Variants in ZNF573 observed in about 807,000 individuals in gnomAD.
The protein encoded by ZNF573 is zinc finger protein 573.
In ZNF573, 41 loss-of-function variants were observed where a neutral mutation model predicts 57.4. The ratio of observed to expected loss-of-function variants is 0.71; its 90% CI spans 0.56 to 0.93. The LOEUF (loss-of-function observed/expected upper bound fraction) is 0.93. ZNF573 is among the 40% of genes least tolerant of loss of function. ZNF573 has a pLI of 0.00. For synonymous variants in ZNF573, 249 were observed against 261.0 expected (o/e 0.95, Z 0.44); for missense variants, 730 against 794.8 (o/e 0.92, Z 0.98).
intron 4 of ZNF573, among the ~76,000 whole-genome samples, chr19:37,745,973 A>T (rs1012607134): frequency 1.3e-5 from 2 of 152,194 alleles, no homozygotes; most frequent in Admixed American, 1.3e-4. Context: ...TTCCAGTCAC[A>T]CACAGATTGT....
intron 4 of ZNF573, among the ~76,000 whole-genome samples, chr19:37,754,519 C>G (rs554450739): frequency 4.0e-4 from 34 of 85,582 alleles, no homozygotes; most frequent in Non-Finnish European, 4.9e-5. Flanking sequence ...GACTCCACCT[C>G]AAAAAAAAAA....
chr19:37,741,008 G>T (rs913949747), intron 4 of ZNF573, among the ~76,000 whole-genome samples: 1 of 152,160 alleles, frequency 6.6e-6, no homozygotes, highest in African/African-American at 2.4e-5. Flanking sequence ...ATATATGTTT[G>T]ATCTGAAGAT....
intron 2 of ZNF573, 43 bp downstream of exon 2, chr19:37,773,618 C>T (rs2045678944): frequency 2.0e-6 from 3 of 1,469,414 alleles, no homozygotes; most frequent in Non-Finnish European, 2.8e-6. Context: ...TCCACATAAC[C>T]TATGATCATG....
At chr19:37,755,834 CAAA>C (rs11362043) in intron 4 of ZNF573, among the ~76,000 whole-genome samples, 74 of 130,372 alleles carry the variant, frequency 5.7e-4, no homozygotes, top group Non-Finnish European at 9.2e-4. Context: ...TGGTTCTTCG[CAAA>C]AAAAAAAAAA....
intron 4 of ZNF573, among the ~76,000 whole-genome samples, chr19:37,755,667 A>G (rs2045480726): frequency 6.6e-6 from 1 of 152,186 alleles, no homozygotes; most frequent in South Asian, 2.1e-4. Flanking sequence ...GGCCTTAAAT[A>G]CTGAAGAGAT....
rs770743939 is a variant in ZNF573 at position 37,738,628 on chromosome 19, C to T, written c.1862G>A (p.Arg621His). The T allele has an allele frequency of 5.0e-6, 8 of 1,611,832 alleles. No individual in the cohort carries two copies. Among genetic ancestry groups the T allele is most frequent in the East Asian group, 2.2e-5 (1 of 44,848 alleles). The change falls in exon 5 of 5, where the codon CGT becomes CAT. Residue 621 changes from arginine (R) to histidine (H), a missense_variant. Physicochemically the swap from Arg to His is conservative, Grantham distance 29. Transcript: ENST00000536220. ...ECKECGKAFS[R>H]ASNLVQHERI... ...CTCATGTTGAACAAGGTTTGAAGCA[C>T]GACTGAAGGCCTTCCCACATTCTTT...
At chr19:37,772,881 C>A (rs769044517) in intron 2 of ZNF573, 2 of 904,290 alleles carry the variant, frequency 2.2e-6, no homozygotes, top group African/African-American at 3.6e-5. Flanking sequence ...GTGATCCTCC[C>A]GCCTTGGCCT....
chr19:37,744,171 A>T (rs1371462260), intron 4 of ZNF573, among the ~76,000 whole-genome samples: 2 of 152,076 alleles, frequency 1.3e-5, no homozygotes, highest in African/African-American at 4.8e-5. Flanking sequence ...CCAAAAAGGT[A>T]TGAAAGGGTT....
rs539456711 is a variant in ZNF573, at chr19:37,774,126, CTTTTTTTT to C, written c.-22-383_-22-376del. ...GACTTATCGTTCAAACTAGAAGCTT[CTTTTTTTT>C]TTTTTTTTTTTTTTTTTTTCTGAGA... On this transcript the variant is annotated intron_variant, in intron 1 of 4. Coordinates refer to ENST00000536220, the MANE Select transcript of ZNF573 (RefSeq NM_001172690.2). Among the ~76,000 whole-genome samples the C allele has an allele frequency of 3.9e-3, 343 of 87,772 alleles. 4 individuals carry two copies. Among genetic ancestry groups the C allele is most frequent in the Middle Eastern group, 6.2e-3 (1 of 162 alleles). The allele number at this position is 87,772 out of a possible 152,430, so 57.6% of individuals were successfully genotyped here.
intron 4 of ZNF573, among the ~76,000 whole-genome samples, chr19:37,757,133 A>G (rs2045495926): frequency 1.3e-5 from 2 of 152,004 alleles, no homozygotes; most frequent in African/African-American, 4.8e-5. Context: ...TTGCTTACTC[A>G]TCAAGGCTCC....
intron 4 of ZNF573, among the ~76,000 whole-genome samples, chr19:37,742,199 T>G (rs776348330): frequency 6.6e-6 from 1 of 152,198 alleles, no homozygotes; most frequent in Non-Finnish European, 1.5e-5. Context: ...TGGAAAAAGA[T>G]TCCATCCTAA....
intron 4 of ZNF573, among the ~76,000 whole-genome samples, chr19:37,746,802 TTAAA>T (rs2045387666): frequency 6.6e-6 from 1 of 152,184 alleles, no homozygotes; most frequent in Non-Finnish European, 1.5e-5. Context: ...CAGGCTGGTC[TTAAA>T]AACTCCTGAC....
intron 4 of ZNF573, among the ~76,000 whole-genome samples, chr19:37,742,753 G>C (rs1478183242): frequency 6.6e-6 from 1 of 152,144 alleles, no homozygotes; most frequent in African/African-American, 2.4e-5. Flanking sequence ...ATGCCATTCA[G>C]GACATAGGCA....
At position 37,770,012 on chromosome 19, in the gene ZNF573, C is replaced by T; in HGVS notation, c.288G>A (p.Gln96=). 6 of 1,551,736 alleles carry T rather than the reference C, an allele frequency of 3.9e-6. No individual in the cohort carries two copies. The highest frequency in any genetic ancestry group is 5.2e-6 in the Non-Finnish European group (6 of 1,147,078). ...GTCCCCTGCCTTCCTTACCTGTGAA[C>T]TGTGTTTCTTCCCTCAAAATCATCC... The part of the protein sequence containing the change: ...EPWMILREET[Q]FTDLDLQCEI... The change falls in exon 4 of 5, where the codon CAG becomes CAA. Residue 96 remains glutamine, a synonymous_variant. Transcript: ENST00000536220.
chr19:37,758,108 G>A lies in ZNF573; in HGVS notation c.295+11897C>T, dbSNP rs537222001. Among the ~76,000 whole-genome samples, 260 of 149,386 alleles carry A rather than the reference G, an allele frequency of 1.7e-3. 2 individuals are homozygous for A. Among genetic ancestry groups the A allele is most frequent in the African/African-American group, 6.2e-3 (249 of 40,466 alleles). On this transcript the variant is annotated intron_variant, in intron 4 of 4. Coordinates refer to ENST00000536220, the MANE Select transcript of ZNF573 (RefSeq NM_001172690.2). The stretch of plus-strand genomic sequence containing the variant: ...GAGATATATCTAATGTAAAGGATGA[G>A]TTAATGGGTGCAGCACACCAACATG...
At chr19:37,754,435 G>A (rs183686978) in intron 4 of ZNF573, among the ~76,000 whole-genome samples, 20 of 150,676 alleles carry the variant, frequency 1.3e-4, no homozygotes, top group African/African-American at 3.7e-4. Context: ...CAGGAGAATC[G>A]CTTGAACCCG....
chr19:37,740,140 G>A lies in ZNF573; in HGVS notation c.350C>T (p.Thr117Ile), dbSNP rs769039487. 1.2e-5 allele frequency: 19 copies of A among 1,607,656 alleles called. No individual in the cohort carries two copies. Among genetic ancestry groups the A allele is most frequent in the Non-Finnish European group, 1.5e-5 (18 of 1,176,376 alleles). ...CTGAAGTTGTGTAGAGGATATATCTGTTTCATAAGTGGGTACTTCTATGTA... is the reference window on the plus strand; with the variant it reads ...CTGAAGTTGTGTAGAGGATATATCTATTTCATAAGTGGGTACTTCTATGTA... ...ISYIEVPTYE[T>I]DISSTQLQSI... The change falls in exon 5 of 5, where the codon ACA becomes ATA. Residue 117 changes from threonine to isoleucine, a missense_variant. Transcript: ENST00000536220.
At chr19:37,774,349 G>A (rs960769343) in intron 1 of ZNF573, among the ~76,000 whole-genome samples, 17 of 151,646 alleles carry the variant, frequency 1.1e-4, no homozygotes, top group Admixed American at 2.6e-4. Context: ...CTATGTTGGC[G>A]GGGCTGGTCT....
intron 4 of ZNF573, among the ~76,000 whole-genome samples, chr19:37,753,735 A>G (rs1474652984): frequency 6.6e-6 from 1 of 152,190 alleles, no homozygotes; most frequent in African/African-American, 2.4e-5. Flanking sequence ...TCAAAAAACA[A>G]AAAAATTTTT....
Sources: gnomAD v4.1 joint callset for allele counts (sites outside exome capture counted in the v4.1 genomes callset) on GRCh38, gnomAD v4.1.1 for gene constraint, MANE v1.5 for transcripts, NCBI Gene and HGNC (gene_info 2026-07-23, HGNC 2026-07-21) for gene names.